Variants in SHROOM3 observed in about 807,000 individuals in gnomAD.
SHROOM3 encodes the protein protein Shroom3.
In SHROOM3, 47 loss-of-function variants were observed where a neutral mutation model predicts 138.6. That is an observed-to-expected ratio of 0.34 (90% CI 0.27 to 0.43). SHROOM3 has a LOEUF of 0.43. Among genes scored for constraint, SHROOM3 ranks in the 20% least tolerant of loss-of-function variants. The probability of loss-of-function intolerance (pLI) is 1.00; values close to 1 mark genes in which losing one functional copy is unlikely to be tolerated. For synonymous variants in SHROOM3, 1,062 were observed against 1,063.3 expected (o/e 1.00, Z 0.02); for missense variants, 2,491 against 2,596.5 (o/e 0.96, Z 0.88).
At chr4:76,712,311 T>A (rs1294426563) in intron 3 of SHROOM3, among the ~76,000 whole-genome samples, 5 of 152,152 alleles carry the variant, frequency 3.3e-5, no homozygotes, top group Non-Finnish European at 7.4e-5. Flanking sequence ...AAAGAGTGAC[T>A]GCTGAGTTGC....
chr4:76,628,489 A>G (rs549537054), intron 2 of SHROOM3, among the ~76,000 whole-genome samples: 38 of 152,320 alleles, frequency 2.5e-4, no homozygotes, highest in Non-Finnish European at 3.7e-4. Context: ...ATGCTTTTCC[A>G]GGAAGTGAAT....
intron 2 of SHROOM3, among the ~76,000 whole-genome samples, chr4:76,618,531 C>T (rs112093909): frequency 3.9e-5 from 6 of 152,140 alleles, no homozygotes; most frequent in Non-Finnish European, 8.8e-5. Flanking sequence ...AGAGTAAGAA[C>T]AGTACACAAA....
chr4:76,531,562 A>G (rs1732829094), intron 1 of SHROOM3, among the ~76,000 whole-genome samples: 1 of 152,126 alleles, frequency 6.6e-6, no homozygotes, highest in African/African-American at 2.4e-5. Context: ...AAACATCATC[A>G]TCATCTCAGT....
At chr4:76,552,806 A>G (rs1733393116) in intron 1 of SHROOM3, among the ~76,000 whole-genome samples, 2 of 152,046 alleles carry the variant, frequency 1.3e-5, no homozygotes, top group Admixed American at 1.3e-4. Flanking sequence ...AAAAAAGAGA[A>G]AATATGGGTG....
intron 2 of SHROOM3, among the ~76,000 whole-genome samples, chr4:76,595,478 G>T (rs904164787): frequency 6.6e-6 from 1 of 152,200 alleles, no homozygotes; most frequent in Admixed American, 6.5e-5. Flanking sequence ...GGTGTTTGCT[G>T]CAGCTCCAGG....
chr4:76,769,250 G>A (rs903218942), intron 9 of SHROOM3, among the ~76,000 whole-genome samples: 1 of 148,944 alleles, frequency 6.7e-6, no homozygotes, highest in Admixed American at 6.7e-5. Flanking sequence ...GCGTGTGTGT[G>A]TATATACACA....
intron 1 of SHROOM3, among the ~76,000 whole-genome samples, chr4:76,542,586 T>A (rs899950198): frequency 1.3e-5 from 2 of 152,206 alleles, no homozygotes; most frequent in East Asian, 3.9e-4. Context: ...GCTTTGAAGA[T>A]GAAAGAAGCC....
chr4:76,451,512 T>C (rs1357760473), intron 1 of SHROOM3, among the ~76,000 whole-genome samples: 2 of 152,238 alleles, frequency 1.3e-5, no homozygotes, highest in African/African-American at 4.8e-5. Flanking sequence ...GGTTGGAGAC[T>C]GACTAGGGCA....
intron 2 of SHROOM3, among the ~76,000 whole-genome samples, chr4:76,682,313 T>C (rs1042342132): frequency 6.6e-6 from 1 of 152,200 alleles, no homozygotes; most frequent in Non-Finnish European, 1.5e-5. Context: ...TTATCCCATA[T>C]TAATTTTTAT....
intron 2 of SHROOM3, among the ~76,000 whole-genome samples, chr4:76,659,672 C>A (rs1181262159): frequency 6.6e-6 from 1 of 152,104 alleles, no homozygotes; most frequent in Non-Finnish European, 1.5e-5. Context: ...ACCTCCGCCT[C>A]CCAGGTTCAA....
At chr4:76,760,065 G>T (rs1721943663) in intron 9 of SHROOM3, among the ~76,000 whole-genome samples, 1 of 152,182 alleles carries the variant, frequency 6.6e-6, no homozygotes, top group Admixed American at 6.5e-5. Context: ...AACGGTGTGT[G>T]TAATTTTCTT....
intron 2 of SHROOM3, among the ~76,000 whole-genome samples, chr4:76,700,772 C>A (rs560618751): frequency 6.7e-6 from 1 of 150,054 alleles, no homozygotes; most frequent in South Asian, 2.1e-4. Context: ...TTCTTTCTTT[C>A]TTTCTTTTAT....
Position 76,759,415 on chromosome 4 carries a change from A to G in SHROOM3, c.5199-130A>G, listed in dbSNP as rs757604234. ...AATCACTCATTAGTTAACAGTTACT[A>G]GTTTATCCTAATTTCTGGGAAAGAA... On this transcript the variant is annotated intron_variant, in intron 8 of 10. Coordinates refer to ENST00000296043, the MANE Select transcript of SHROOM3 (RefSeq NM_020859.4). 9 of 1,229,470 alleles carry G rather than the reference A, an allele frequency of 7.3e-6. No homozygotes were observed. The Admixed American group carries it at 9.5e-5, about 13-fold the overall frequency. 76.2% of individuals were successfully genotyped at this position (1,229,470 alleles called of 1,614,324 possible).
chr4:76,448,294 G>A (rs1730855094), intron 1 of SHROOM3, among the ~76,000 whole-genome samples: 1 of 152,108 alleles, frequency 6.6e-6, no homozygotes, highest in South Asian at 2.1e-4. Context: ...ACAGCACTGG[G>A]AAACAACAGA....
intron 1 of SHROOM3, among the ~76,000 whole-genome samples, chr4:76,533,867 A>G (rs1043551702): frequency 1.3e-5 from 2 of 152,116 alleles, no homozygotes; most frequent in African/African-American, 4.8e-5. Flanking sequence ...TGCAGAACAC[A>G]CTCCCGTGTC....
chr4:76,773,055 C>T (rs887684429), intron 10 of SHROOM3, among the ~76,000 whole-genome samples: 7 of 152,074 alleles, frequency 4.6e-5, no homozygotes, highest in Non-Finnish European at 7.4e-5. Context: ...CTAGAACATA[C>T]AGTGATTGCT....
chr4:76,672,998 T>C (rs1040953990), intron 2 of SHROOM3, among the ~76,000 whole-genome samples: 9 of 152,322 alleles, frequency 5.9e-5, no homozygotes, highest in African/African-American at 1.9e-4. Context: ...CAAAACAACA[T>C]TTGCTGTTTG....
intron 2 of SHROOM3, among the ~76,000 whole-genome samples, chr4:76,636,485 C>T (rs1205652346): frequency 6.6e-6 from 1 of 152,218 alleles, no homozygotes; most frequent in Non-Finnish European, 1.5e-5. Flanking sequence ...ATCACTTTTC[C>T]TAATGTGCCT....
chr4:76,754,096 T>C (rs1721721841), intron 6 of SHROOM3, among the ~76,000 whole-genome samples: 4 of 152,318 alleles, frequency 2.6e-5, no homozygotes, highest in East Asian at 1.9e-4. Context: ...AGTCATTCCA[T>C]GTGACATTTT....
Sources: gnomAD v4.1 joint callset for allele counts (sites outside exome capture counted in the v4.1 genomes callset) on GRCh38, gnomAD v4.1.1 for gene constraint, MANE v1.5 for transcripts, NCBI Gene and HGNC (gene_info 2026-07-23, HGNC 2026-07-21) for gene names.